MARK1: variants seen among roughly 807,000 people sequenced by gnomAD.
The protein encoded by MARK1 is microtubule affinity regulating kinase 1.
In MARK1, 40 loss-of-function variants were observed where a neutral mutation model predicts 96.3. The observed-to-expected ratio is 0.42, with a 90% confidence interval of 0.32 to 0.54. The LOEUF (loss-of-function observed/expected upper bound fraction) is 0.54. MARK1 is among the 20% of genes least tolerant of loss of function. The pLI, the probability that MARK1 is intolerant of heterozygous loss-of-function variation, is 0.16. For missense variants in MARK1, 719 were observed against 984.6 expected (o/e 0.73, Z 3.61); for synonymous variants, 317 against 341.2 (o/e 0.93, Z 0.78).
chr1:220,553,679 C>T (rs746177754), intron 1 of MARK1, among the ~76,000 whole-genome samples: 1 of 152,154 alleles, frequency 6.6e-6, no homozygotes, highest in Non-Finnish European at 1.5e-5. Flanking sequence ...AACTTGGTGG[C>T]CTATGGTCAA....
chr1:220,664,423 T>C lies in MARK1; in HGVS notation c.*2257T>C, dbSNP rs1363558426. ...TGGCTTCTGTTGAAATATTATTTGATATGACATCCCTTATATTAAATTAAT... is the reference window on the plus strand; with the variant it reads ...TGGCTTCTGTTGAAATATTATTTGACATGACATCCCTTATATTAAATTAAT... On this transcript the variant is annotated 3_prime_UTR_variant, in exon 18 of 18. Transcript: ENST00000366917. The C allele has an allele frequency of 6.6e-6, 1 of 152,120 alleles. No homozygotes were observed. Among genetic ancestry groups the C allele is most frequent in the Non-Finnish European group, 1.5e-5 (1 of 68,036 alleles). The allele number at this position is 152,120 out of a possible 1,614,324, so 9.4% of individuals were successfully genotyped here.
chr1:220,616,973 G>A (rs1000443252), intron 7 of MARK1, among the ~76,000 whole-genome samples: 5 of 152,166 alleles, frequency 3.3e-5, no homozygotes, highest in African/African-American at 1.2e-4. Flanking sequence ...ATTCCTGGAA[G>A]GAGACCTCAG....
chr1:220,649,868 A>C (rs1374311930), intron 13 of MARK1, among the ~76,000 whole-genome samples: 2 of 152,212 alleles, frequency 1.3e-5, no homozygotes, highest in African/African-American at 4.8e-5. Context: ...TTATATCCAC[A>C]TTGAAAATCA....
intron 1 of MARK1, among the ~76,000 whole-genome samples, chr1:220,545,439 GTTTTTTTTTT>G (rs35422682): frequency 6.9e-5 from 6 of 87,260 alleles, no homozygotes; most frequent in Admixed American, 6.3e-4. Flanking sequence ...CTTTCTCATG[GTTTTTTTTTT>G]TTTTTTTTTT....
intron 13 of MARK1, among the ~76,000 whole-genome samples, chr1:220,637,826 G>A (rs1668052679): frequency 2.0e-5 from 3 of 151,688 alleles, no homozygotes; most frequent in Non-Finnish European, 4.4e-5. Context: ...TCAGCCTGTG[G>A]ACAGGAGAGA....
rs1669493679 is a variant in MARK1, at chr1:220,661,740, T to A, written c.2034-72T>A. The A allele has an allele frequency of 7.7e-6, 9 of 1,161,398 alleles. No individual in the cohort carries two copies. The East Asian group carries it at 2.3e-4, about 30-fold the overall frequency. 71.9% of individuals were successfully genotyped at this position (1,161,398 alleles called of 1,614,324 possible). A position where few individuals can be genotyped will look rare whatever the true frequency, so the allele number is the denominator to read the frequency against. ...GCACTGAACTATGACCACTTAGATT[T>A]TATGTGTGTTTTGATCTCTTTGCTG... On this transcript the variant is annotated intron_variant, in intron 17 of 17. Coordinates refer to ENST00000366917, the MANE Select transcript of MARK1 (RefSeq NM_018650.5).
chr1:220,648,365 T>C (rs376618579), intron 13 of MARK1, among the ~76,000 whole-genome samples: 51 of 152,322 alleles, frequency 3.3e-4, no homozygotes, highest in African/African-American at 1.2e-3. Context: ...TAGATCTTTT[T>C]TATTTGAACT....
chr1:220,624,359 G>A (rs182151218), intron 9 of MARK1, among the ~76,000 whole-genome samples: 1,779 of 150,284 alleles, frequency 0.012, 20 homozygotes, highest in Middle Eastern at 0.039. Context: ...CAGCACTTTG[G>A]GAGGCCGAGG....
At chr1:220,569,039 C>T (rs1191889978) in intron 1 of MARK1, among the ~76,000 whole-genome samples, 2 of 152,100 alleles carry the variant, frequency 1.3e-5, no homozygotes, top group African/African-American at 4.8e-5. Context: ...ATAAGTATGC[C>T]TAGTTCTATA....
chr1:220,643,412 G>A (rs1022606702), intron 13 of MARK1, among the ~76,000 whole-genome samples: 3 of 151,958 alleles, frequency 2.0e-5, no homozygotes, highest in East Asian at 1.9e-4. Flanking sequence ...ATGAATGAAC[G>A]AAACCTCCAA....
chr1:220,568,374 T>C (rs1290366514), intron 1 of MARK1, among the ~76,000 whole-genome samples: 3 of 152,080 alleles, frequency 2.0e-5, no homozygotes, highest in Non-Finnish European at 4.4e-5. Context: ...AGGGTACATC[T>C]AGAGCAAACG....
chr1:220,589,680 A>G (rs1208789540), intron 3 of MARK1, among the ~76,000 whole-genome samples: 1 of 152,218 alleles, frequency 6.6e-6, no homozygotes, highest in Non-Finnish European at 1.5e-5. Flanking sequence ...CTTAATTTCC[A>G]GCCTACAGCA....
At chr1:220,632,552 T>C (rs2103008470) in intron 11 of MARK1, among the ~76,000 whole-genome samples, 1 of 152,352 alleles carries the variant, frequency 6.6e-6, no homozygotes, top group South Asian at 2.1e-4. Flanking sequence ...ATTCACAGCC[T>C]GGCCTTTGAG....
intron 9 of MARK1, among the ~76,000 whole-genome samples, chr1:220,622,672 AG>A (rs1189904733): frequency 1.3e-5 from 2 of 152,158 alleles, no homozygotes; most frequent in Non-Finnish European, 2.9e-5. Flanking sequence ...CAAGGCGGGC[AG>A]ATCACCTAAG....
intron 1 of MARK1, among the ~76,000 whole-genome samples, chr1:220,568,248 T>A (rs773179704): frequency 6.6e-6 from 1 of 152,024 alleles, no homozygotes; most frequent in Non-Finnish European, 1.5e-5. Flanking sequence ...AAAGGAGATG[T>A]GTGGTATGAA....
intron 1 of MARK1, among the ~76,000 whole-genome samples, chr1:220,549,772 C>T (rs1313445356): frequency 6.6e-6 from 1 of 152,134 alleles, no homozygotes; most frequent in Non-Finnish European, 1.5e-5. Flanking sequence ...GGGGTTTATC[C>T]CGAGCTCAGC....
At chr1:220,630,392 C>G (rs1667621268) in intron 9 of MARK1, among the ~76,000 whole-genome samples, 1 of 152,124 alleles carries the variant, frequency 6.6e-6, no homozygotes, top group East Asian at 1.9e-4. Context: ...TTCCCATTCT[C>G]TAGTTGGCCC....
chr1:220,597,297 T>C (rs1252741945), intron 3 of MARK1, among the ~76,000 whole-genome samples: 1 of 152,044 alleles, frequency 6.6e-6, no homozygotes, highest in East Asian at 1.9e-4. Flanking sequence ...TGCTATGTAT[T>C]TTTTTTCATG....
At position 220,618,615 on chromosome 1, in the gene MARK1, C is replaced by T. The variant is rs768853006; in HGVS notation, c.790-21C>T. On this transcript the variant is annotated intron_variant, in intron 8 of 17. Coordinates refer to ENST00000366917, the MANE Select transcript of MARK1 (RefSeq NM_018650.5). This position sits in a 1 kb window ranked among gnomAD's most constrained non-coding sequence, Gnocchi z 4.6. ...TTATGTCAAAAACCAGTTATAAGTGCTTTCTTTCACTTTTATTAAGGAACT... is the reference window on the plus strand; with the variant it reads ...TTATGTCAAAAACCAGTTATAAGTGTTTTCTTTCACTTTTATTAAGGAACT... 4 of 1,613,270 alleles carry T rather than the reference C, an allele frequency of 2.5e-6. No individual in the cohort carries two copies. The South Asian group carries it at 4.4e-5, about 18-fold the overall frequency.
Sources: allele counts gnomAD v4.1 joint callset (sites outside exome capture counted in the v4.1 genomes callset), GRCh38; gene constraint gnomAD v4.1.1; non-coding constraint Gnocchi (gnomAD v3.1); transcripts MANE v1.5; gene names NCBI Gene and HGNC (gene_info 2026-07-23, HGNC 2026-07-21).